Variants in FHOD3 observed in about 807,000 individuals in gnomAD.
FHOD3 encodes formin homology 2 domain containing 3, also known as FH1/FH2 domain-containing protein 3.
In FHOD3, 90 loss-of-function variants were observed where a neutral mutation model predicts 173.0. The observed-to-expected ratio is 0.52, with a 90% CI of 0.44 to 0.62. FHOD3 has a LOEUF of 0.62. Ranked by LOEUF, FHOD3 falls within the 20% of genes least tolerant of loss-of-function variation. The pLI, the probability that FHOD3 is intolerant of heterozygous loss-of-function variation, is 0.00. For missense variants in FHOD3, 1,945 were observed against 2,034.7 expected, an observed-to-expected ratio of 0.96 and a Z score of 0.85; for synonymous variants, 828 against 823.0, an observed-to-expected ratio of 1.01 and a Z score of -0.10.
At chr18:36,464,847 CT>C (rs1017749089) in intron 3 of FHOD3, among the ~76,000 whole-genome samples, 3 of 152,128 alleles carry the variant, frequency 2.0e-5, no homozygotes, top group African/African-American at 7.2e-5. Context: ...TCTCTCCCCC[CT>C]CTTTCTTCCT....
At chr18:36,419,667 G>A (rs1416111135) in intron 3 of FHOD3, among the ~76,000 whole-genome samples, 1 of 152,192 alleles carries the variant, frequency 6.6e-6, no homozygotes, top group Non-Finnish European at 1.5e-5. Context: ...GCTCTTTTAA[G>A]TGCCTAAGTA....
At chr18:36,317,998 T>G (rs888750884) in intron 1 of FHOD3, among the ~76,000 whole-genome samples, 9 of 152,188 alleles carry the variant, frequency 5.9e-5, no homozygotes, top group African/African-American at 1.4e-4. Context: ...TTTCCCCATT[T>G]CTTGTTTTTG....
intron 13 of FHOD3, 35 bp from the exon 14 acceptor site, chr18:36,658,040 C>G: frequency 2.7e-6 from 4 of 1,470,576 alleles, no homozygotes; most frequent in Non-Finnish European, 3.8e-6. Flanking sequence ...TTTCTCTATC[C>G]TTTTCCCCCC....
At chr18:36,711,406 A>C (rs1028962238) in intron 18 of FHOD3, 3 of 152,344 alleles carry the variant, frequency 2.0e-5, no homozygotes, top group Admixed American at 2.0e-4. Flanking sequence ...TCTTTGTTTA[A>C]TGTGTTCTAC....
chr18:36,419,450 G>A (rs1790634), intron 3 of FHOD3, among the ~76,000 whole-genome samples: 89,202 of 151,724 alleles, frequency 0.59, 26,764 homozygotes, highest in East Asian at 0.86. Flanking sequence ...CAGCACAGCA[G>A]TCTGAGCTCT....
chr18:36,504,690 A>C (rs1487369970), intron 4 of FHOD3, among the ~76,000 whole-genome samples: 1 of 152,068 alleles, frequency 6.6e-6, no homozygotes, highest in Non-Finnish European at 1.5e-5. Context: ...ACATGTATAC[A>C]TATGTAACTA....
intron 3 of FHOD3, among the ~76,000 whole-genome samples, chr18:36,406,756 A>G (rs897670772): frequency 3.3e-5 from 5 of 152,146 alleles, no homozygotes; most frequent in African/African-American, 9.7e-5. Flanking sequence ...TCTATAAACC[A>G]CTTTCATGGA....
intron 14 of FHOD3, among the ~76,000 whole-genome samples, chr18:36,672,901 G>A (rs2149331710): frequency 1.3e-5 from 2 of 152,156 alleles, no homozygotes; most frequent in East Asian, 1.9e-4. Context: ...TGAAACTAGT[G>A]TACTTCCTCT....
At chr18:36,376,161 G>A (rs932568697) in intron 3 of FHOD3, among the ~76,000 whole-genome samples, 17 of 152,144 alleles carry the variant, frequency 1.1e-4, no homozygotes, top group Admixed American at 5.9e-4. Context: ...TCATCATGAA[G>A]AGAAAGGAAC....
chr18:36,559,362 CA>C lies in FHOD3; in HGVS notation c.512-17088del, dbSNP rs201118800. Among the ~76,000 whole-genome samples, 4 of 152,304 alleles carry C rather than the reference CA, an allele frequency of 2.6e-5. No homozygotes were observed. The East Asian group carries it at 7.7e-4, about 29-fold the overall frequency. On this transcript the variant is annotated intron_variant, in intron 5 of 28. Coordinates refer to ENST00000590592, the MANE Select transcript of FHOD3 (RefSeq NM_001281740.3). ...AAGAATGAGTTAAAGATGAACTGAGCAGCGGGACCGGTGACATCAGTCCTCC... is the reference window on the plus strand; with the variant it reads ...AAGAATGAGTTAAAGATGAACTGAGCGCGGGACCGGTGACATCAGTCCTCC...
intron 1 of FHOD3, among the ~76,000 whole-genome samples, chr18:36,329,756 T>C (rs946767709): frequency 6.6e-6 from 1 of 152,132 alleles, no homozygotes; most frequent in Non-Finnish European, 1.5e-5. Context: ...AACAGATGTC[T>C]TGAGGATGCC....
Position 36,755,102 on chromosome 18 carries a change from C to T in FHOD3, c.4233-17C>T. The T allele has an allele frequency of 6.5e-7, 1 of 1,526,992 alleles. No individual in the cohort carries two copies. The highest frequency in any genetic ancestry group is 8.8e-7 in the Non-Finnish European group (1 of 1,137,068). 94.6% of individuals were successfully genotyped at this position (1,526,992 alleles called of 1,614,324 possible). A position where few individuals can be genotyped will look rare whatever the true frequency, so the allele number is the denominator to read the frequency against. ...CTTAAAACGGAAGTCATTGCTATTA[C>T]TGTTTTTTCCTTGCAGATTCCACTC... is the stretch of plus-strand genomic sequence containing the variant. On this transcript the variant is annotated splice_polypyrimidine_tract_variant and intron_variant, in intron 24 of 28. Coordinates refer to ENST00000590592, the MANE Select transcript of FHOD3 (RefSeq NM_001281740.3).
chr18:36,744,263 G>A (rs191985832), intron 23 of FHOD3, 70 bp downstream of exon 23: 25 of 1,507,434 alleles, frequency 1.7e-5, no homozygotes, highest in East Asian at 2.3e-5. Flanking sequence ...GGTCATCCTC[G>A]AGGAACACGA....
chr18:36,620,610 T>G (rs2033626944), intron 9 of FHOD3, among the ~76,000 whole-genome samples: 1 of 152,250 alleles, frequency 6.6e-6, no homozygotes, highest in African/African-American at 2.4e-5. Context: ...AGAAGTTCAG[T>G]AGGTGCTTGA....
At chr18:36,716,815 T>G (rs535217077) in intron 18 of FHOD3, among the ~76,000 whole-genome samples, 1 of 152,238 alleles carries the variant, frequency 6.6e-6, no homozygotes, top group South Asian at 2.1e-4. Flanking sequence ...GCAACTCTTA[T>G]GAGGAAATGA....
intron 1 of FHOD3, among the ~76,000 whole-genome samples, chr18:36,332,920 C>T (rs2045098097): frequency 6.6e-6 from 1 of 152,218 alleles, no homozygotes; most frequent in South Asian, 2.1e-4. Flanking sequence ...AGGTGGGGAG[C>T]CCTGATTTGA....
intron 3 of FHOD3, 42 bp from the exon 4 acceptor site, chr18:36,501,890 G>T: frequency 7.4e-7 from 1 of 1,343,652 alleles, no homozygotes; most frequent in South Asian, 1.3e-5. Context: ...ACTGTCAATA[G>T]AGTCAGTTTA....
chr18:36,449,943 T>C (rs1431091146), intron 3 of FHOD3, among the ~76,000 whole-genome samples: 1 of 152,062 alleles, frequency 6.6e-6, no homozygotes, highest in Non-Finnish European at 1.5e-5. Flanking sequence ...ATTCAGTAGG[T>C]TTTTGGGGAA....
At chr18:36,561,071 G>C (rs776597945) in intron 5 of FHOD3, among the ~76,000 whole-genome samples, 56 of 151,942 alleles carry the variant, frequency 3.7e-4, no homozygotes, top group Non-Finnish European at 7.2e-4. Flanking sequence ...AGATGTTTTT[G>C]TTCCCAAGAA....
Sources: allele counts gnomAD v4.1 joint callset (sites outside exome capture counted in the v4.1 genomes callset), GRCh38; gene constraint gnomAD v4.1.1; transcripts MANE v1.5; gene names NCBI Gene and HGNC (gene_info 2026-07-23, HGNC 2026-07-21).